Variants in SVEP1 observed in about 807,000 individuals in gnomAD.
SVEP1 encodes the protein sushi, von Willebrand factor type A, EGF and pentraxin domain-containing protein 1.
In SVEP1, 164 loss-of-function variants were observed where a neutral mutation model predicts 367.3. The observed-to-expected ratio is 0.45, with a 90% CI of 0.39 to 0.51. SVEP1 has a LOEUF of 0.51. Among genes scored for constraint, SVEP1 ranks in the 20% least tolerant of loss-of-function variants. SVEP1 has a pLI of 0.00. For synonymous variants in SVEP1, 1,666 were observed against 1,611.6 expected (o/e 1.03, Z -0.81); for missense variants, 4,117 against 4,425.3 (o/e 0.93, Z 1.98).
chr9:110,446,765 G>T (rs1828606940), intron 25 of SVEP1, 135 bp downstream of exon 25: 8 of 646,434 alleles, frequency 1.2e-5, no homozygotes, highest in Non-Finnish European at 1.8e-5. Context: ...GGATGGCTGT[G>T]AAGATTAAAT....
At chr9:110,551,552 G>GA (rs1255775983) in intron 1 of SVEP1, among the ~76,000 whole-genome samples, 1 of 152,134 alleles carries the variant, frequency 6.6e-6, no homozygotes, top group African/African-American at 2.4e-5. Flanking sequence ...GTACAGATGG[G>GA]ACCACACCAA....
chr9:110,460,169 CAATT>C (rs1828835717), intron 18 of SVEP1, among the ~76,000 whole-genome samples: 1 of 151,976 alleles, frequency 6.6e-6, no homozygotes, highest in Non-Finnish European at 1.5e-5. Context: ...TTTTTTGACA[CAATT>C]ATTTTTCAGA....
rs1554710906 is a variant in SVEP1 at position 110,392,133 on chromosome 9, T to TTTTATATATA, written c.9823-2547_9823-2546insTATATATAAA. ...CATTAACTTGTGACCCAATTCCTCA[T>TTTTATATATA]TATATATATATATATATATATCTCT... is the stretch of plus-strand genomic sequence containing the variant. On this transcript the variant is annotated intron_variant, in intron 40 of 47. Coordinates refer to ENST00000374469, the MANE Select transcript of SVEP1 (RefSeq NM_153366.4). Among the ~76,000 whole-genome samples the TTTTATATATA allele has an allele frequency of 2.4e-3, 242 of 99,656 alleles. 6 individuals carry two copies. The highest frequency in any genetic ancestry group is 3.6e-3 in the Admixed American group (35 of 9,628). 65.4% of individuals were successfully genotyped at this position (99,656 alleles called of 152,430 possible). A position where few individuals can be genotyped will look rare whatever the true frequency, so the allele number is the denominator to read the frequency against.
chr9:110,522,522 C>A (rs12004462), intron 3 of SVEP1, among the ~76,000 whole-genome samples: 12,934 of 152,198 alleles, frequency 0.085, 794 homozygotes, highest in African/African-American at 0.17. Flanking sequence ...CAATTTACCA[C>A]CCAGCACATA....
intron 43 of SVEP1, among the ~76,000 whole-genome samples, chr9:110,382,397 A>G (rs560337959): frequency 6.6e-6 from 1 of 152,242 alleles, no homozygotes; most frequent in South Asian, 2.1e-4. Flanking sequence ...TTGGCCCCCA[A>G]TGTCTTCTGG....
In SVEP1 at chr9:110,384,638, A is replaced by G. The variant is rs142113837; in HGVS notation, c.10237+1260T>C. 2.9e-3 allele frequency among the ~76,000 whole-genome samples: 445 copies of G among 151,316 alleles called. 2 individuals are homozygous for G. The highest frequency in any genetic ancestry group is 0.01 in the African/African-American group (429 of 41,294). Reference sequence around the variant, plus strand: ...ATAAGAAATCTATAATAACTACAAGAAAGATATAATTGAGACTCTTAACAA... The same window carrying G: ...ATAAGAAATCTATAATAACTACAAGGAAGATATAATTGAGACTCTTAACAA... On this transcript the variant is annotated intron_variant, in intron 43 of 47. Coordinates refer to ENST00000374469, the MANE Select transcript of SVEP1 (RefSeq NM_153366.4).
intron 6 of SVEP1, 91 bp downstream of exon 6, chr9:110,502,947 T>C: frequency 7.4e-7 from 1 of 1,348,546 alleles, no homozygotes; most frequent in Non-Finnish European, 1.0e-6. Flanking sequence ...CATTACCAGC[T>C]AGTGTTTAGT....
Position 110,430,386 on chromosome 9 carries a change from T to C in SVEP1, c.5418A>G (p.Thr1806=). 3.1e-6 allele frequency: 5 copies of C among 1,613,412 alleles called. No individual in the cohort carries two copies. Among genetic ancestry groups the C allele is most frequent in the Non-Finnish European group, 4.2e-6 (5 of 1,179,678 alleles). Residue 1806 remains threonine (T), a synonymous_variant, in exon 33 of 48, where the codon ACA becomes ACG. Transcript: ENST00000374469. ...ACGAAAATGTGACTTCGGCACCTAC[T>C]GTATAAATCTCACCTGAGGAGTGGC... ...ENGHSSGEIY[T]VGAEVTFSCQ... is the part of the protein sequence containing the mutation.
chr9:110,407,921 T>C lies in SVEP1; in HGVS notation c.7679A>G (p.Gln2560Arg). The change falls in exon 38 of 48, where the codon CAA becomes CGA. Residue 2560 changes from glutamine (Q) to arginine (R), a missense_variant. Physicochemically the swap from Gln to Arg is conservative, Grantham distance 43. Coordinates refer to ENST00000374469, the MANE Select transcript of SVEP1 (RefSeq NM_153366.4). The part of the protein sequence containing the change: ...SCNAIHCDSP[Q>R]PIENGFVEGA... ...TTCTACAAAACCATTTTCAATGGGT[T>C]GTGGGGAATCACAGTGGATGGCATT... 1 of 1,613,968 alleles carries C rather than the reference T, an allele frequency of 6.2e-7. No homozygotes were observed. Among genetic ancestry groups the C allele is most frequent in the South Asian group, 1.1e-5 (1 of 91,078 alleles).
chr9:110,411,730 G>A lies in SVEP1; in HGVS notation c.5981C>T (p.Thr1994Ile). 1 of 1,552,454 alleles carries A rather than the reference G, an allele frequency of 6.4e-7. No individual in the cohort carries two copies. Among genetic ancestry groups the A allele is most frequent in the Non-Finnish European group, 8.7e-7 (1 of 1,147,214 alleles). ...TVTYTCKEGY[T>I]LAGLDTIECL... ...TTCAATGGTGTCAAGACCAGCAAGA[G>A]TATAGCTGTGAGGTTGGGAAGAAAG... The change falls in exon 37 of 48, where the codon ACT (threonine) becomes ATT (isoleucine). Residue 1994 changes from threonine (T) to isoleucine (I), a missense_variant. Thr to Ile is a moderately conservative substitution (Grantham distance 89). Transcript: ENST00000374469.
chr9:110,552,814 T>A (rs955442702), intron 1 of SVEP1, among the ~76,000 whole-genome samples: 4 of 152,098 alleles, frequency 2.6e-5, no homozygotes, highest in African/African-American at 9.7e-5. Flanking sequence ...CCCCCTGCAG[T>A]AGAGTAAAAC....
Position 110,434,666 on chromosome 9 carries a change from TA to T in SVEP1, c.4889-161del, listed in dbSNP as rs71371668. On this transcript the variant is annotated intron_variant, in intron 29 of 47. Coordinates refer to ENST00000374469, the MANE Select transcript of SVEP1 (RefSeq NM_153366.4). The stretch of plus-strand genomic sequence containing the variant: ...CCAGATCACTGGCAAGCAAAATCAC[TA>T]AAAAAAAAAAAAAAAAAAAGCATTT... 7.6e-3 allele frequency among the ~76,000 whole-genome samples: 308 copies of T among 40,618 alleles called. 12 individuals are homozygous for T. The highest frequency in any genetic ancestry group is 0.029 in the African/African-American group (279 of 9,738). The allele number at this position is 40,618 out of a possible 152,430, so 26.6% of individuals were successfully genotyped here.
chr9:110,404,657 G>A (rs1311824888), intron 38 of SVEP1, 105 bp from the exon 39 acceptor site: 2 of 1,029,470 alleles, frequency 1.9e-6, no homozygotes, highest in Non-Finnish European at 3.0e-6. Context: ...GATATTTTGT[G>A]CAACATATTG....
chr9:110,400,819 C>T (rs1827847995), intron 40 of SVEP1, 35 bp downstream of exon 40: 6 of 1,577,260 alleles, frequency 3.8e-6, no homozygotes, highest in Non-Finnish European at 5.2e-6. Context: ...ATTGGAAAAA[C>T]AAATTATTTC....
In SVEP1 at chr9:110,457,201, T is replaced by C. The variant is rs1270912931; in HGVS notation, c.3673+55A>G. ...ATGTACTAAAGTTTGATACTGCAAG[T>C]CATAATGATTTCATATAAAATATAT... On this transcript the variant is annotated intron_variant, in intron 21 of 47. Coordinates refer to ENST00000374469, the MANE Select transcript of SVEP1 (RefSeq NM_153366.4). 5.7e-6 allele frequency: 8 copies of C among 1,398,338 alleles called. No homozygotes were observed. In the African/African-American group the frequency reaches 1.0e-4, roughly 18 times the overall value. 86.6% of individuals were successfully genotyped at this position (1,398,338 alleles called of 1,614,324 possible).
At chr9:110,460,021 G>A (rs1403149420) in intron 18 of SVEP1, among the ~76,000 whole-genome samples, 5 of 151,988 alleles carry the variant, frequency 3.3e-5, no homozygotes, top group African/African-American at 1.2e-4. Flanking sequence ...TCATGACCAA[G>A]TAATTATGAC....
intron 36 of SVEP1, among the ~76,000 whole-genome samples, chr9:110,424,808 G>A (rs560411819): frequency 1.3e-5 from 2 of 152,276 alleles, no homozygotes; most frequent in East Asian, 3.9e-4. Context: ...CCGAGTAGCT[G>A]GGATTATAGG....
chr9:110,572,816 A>AAAAAAAAAG (rs1830582107), intron 1 of SVEP1, among the ~76,000 whole-genome samples: 1 of 138,204 alleles, frequency 7.2e-6, no homozygotes, highest in African/African-American at 2.6e-5. Flanking sequence ...AAAAAAAAAA[A>AAAAAAAAAG]TGAGTACTAC....
chr9:110,408,291 G>A lies in SVEP1; in HGVS notation c.7309C>T (p.Pro2437Ser). ...TWSSPLPECV[P>S]VECPQPEEIP... Reference sequence around the variant, plus strand: ...TCCTCAGGTTGGGGACATTCTACTGGAACACATTCTGGCAGTGGAGAGCTC... The same window carrying A: ...TCCTCAGGTTGGGGACATTCTACTGAAACACATTCTGGCAGTGGAGAGCTC... Residue 2437 changes from proline (P) to serine (S), a missense_variant, in exon 38 of 48, where the codon CCA becomes TCA. Pro to Ser is a moderately conservative substitution (Grantham distance 74). Coordinates refer to ENST00000374469, the MANE Select transcript of SVEP1 (RefSeq NM_153366.4). 6.2e-7 allele frequency: 1 copy of A among 1,613,990 alleles called. No individual in the cohort carries two copies. Among genetic ancestry groups the A allele is most frequent in the Non-Finnish European group, 8.5e-7 (1 of 1,179,890 alleles).
Sources: gnomAD v4.1 joint callset for allele counts (sites outside exome capture counted in the v4.1 genomes callset) on GRCh38, gnomAD v4.1.1 for gene constraint, MANE v1.5 for transcripts, NCBI Gene and HGNC (gene_info 2026-07-23, HGNC 2026-07-21) for gene names.